Variants in TTC6 observed in about 807,000 individuals in gnomAD.
TTC6 encodes the protein tetratricopeptide repeat protein 6.
A neutral mutation model predicts 210.4 loss-of-function variants in TTC6; 172 were observed. The ratio of observed to expected loss-of-function variants is 0.82; its 90% CI spans 0.72 to 0.93. The LOEUF is 0.93. TTC6 is among the 40% of genes least tolerant of loss of function. The probability of loss-of-function intolerance (pLI) is 0.00; values close to 1 mark genes in which losing one functional copy is unlikely to be tolerated. For missense variants in TTC6, 2,414 were observed against 2,318.1 expected (o/e 1.04, Z -0.85); for synonymous variants, 804 against 819.6 (o/e 0.98, Z 0.32).
At chr14:37,763,728 A>C (rs1181202978) in intron 14 of TTC6, among the ~76,000 whole-genome samples, 1 of 151,962 alleles carries the variant, frequency 6.6e-6, no homozygotes, top group African/African-American at 2.4e-5. Flanking sequence ...GGAATTGTCA[A>C]TTTTGTTGAT....
At chr14:37,774,728 C>T (rs867470630) in intron 14 of TTC6, among the ~76,000 whole-genome samples, 18 of 152,180 alleles carry the variant, frequency 1.2e-4, no homozygotes, top group African/African-American at 3.9e-4. Context: ...CAGGTTTTGA[C>T]ATCAGGATAA....
chr14:37,605,835 A>T (rs1323923157), intron 1 of TTC6, among the ~76,000 whole-genome samples: 1 of 152,078 alleles, frequency 6.6e-6, no homozygotes, highest in East Asian at 1.9e-4. Flanking sequence ...CCTGCTTTAG[A>T]CCAGGCTCAT....
intron 17 of TTC6, among the ~76,000 whole-genome samples, chr14:37,793,428 T>C (rs2096085075): frequency 1.3e-5 from 2 of 152,224 alleles, no homozygotes; most frequent in African/African-American, 4.8e-5. Flanking sequence ...TTGCTCACAC[T>C]GTATGTCCAC....
intron 2 of TTC6, among the ~76,000 whole-genome samples, chr14:37,612,889 C>G (rs761351111): frequency 2.1e-4 from 32 of 152,098 alleles, no homozygotes; most frequent in Non-Finnish European, 3.5e-4. Flanking sequence ...TTTGTAGATT[C>G]CTCAGGATTT....
At chr14:37,752,434 T>G (rs75973118) in intron 13 of TTC6, among the ~76,000 whole-genome samples, 6,329 of 152,098 alleles carry the variant, frequency 0.042, 149 homozygotes, top group South Asian at 0.088. Context: ...GATTATCTAT[T>G]CTCTTCATTT....
At chr14:37,650,774 C>T (rs190513900) in intron 1 of TTC6, among the ~76,000 whole-genome samples, 4 of 152,162 alleles carry the variant, frequency 2.6e-5, no homozygotes, top group South Asian at 2.1e-4. Context: ...TTGAATAATC[C>T]GTATTCTTAG....
chr14:37,722,574 C>T (rs2095864036), intron 6 of TTC6, among the ~76,000 whole-genome samples: 1 of 152,106 alleles, frequency 6.6e-6, no homozygotes, highest in African/African-American at 2.4e-5. Context: ...AACTCCTGGC[C>T]TCAAATGGTC....
At chr14:37,627,881 C>T (rs964441598) in intron 1 of TTC6, among the ~76,000 whole-genome samples, 2 of 152,208 alleles carry the variant, frequency 1.3e-5, no homozygotes, top group African/African-American at 2.4e-5. Flanking sequence ...CTGTCTTCCA[C>T]GGTGGTTGAA....
chr14:37,842,289 T>A, exon 31 of TTC6: 1 of 1,599,318 alleles, frequency 6.3e-7, no homozygotes, highest in Non-Finnish European at 8.5e-7. Context: ...CTCAGTTATA[T>A]GATTACATAG....
upstream of TTC6, among the ~76,000 whole-genome samples, chr14:37,620,037 A>AT (rs1195786952): frequency 1.3e-5 from 2 of 152,072 alleles, no homozygotes; most frequent in Non-Finnish European, 1.5e-5. Context: ...GTTTCAGTAC[A>AT]TTTTTTTGTT....
intron 1 of TTC6, among the ~76,000 whole-genome samples, chr14:37,669,022 A>T (rs1331008753): frequency 1.3e-5 from 2 of 152,186 alleles, no homozygotes; most frequent in African/African-American, 4.8e-5. Flanking sequence ...GATGCTTCCA[A>T]CTGAAAACCT....
chr14:37,683,170 T>G (rs1234321674), intron 3 of TTC6, among the ~76,000 whole-genome samples: 1 of 152,096 alleles, frequency 6.6e-6, no homozygotes, highest in Non-Finnish European at 1.5e-5. Flanking sequence ...GTGTCAACCC[T>G]AATTGCAACT....
chr14:37,726,901 A>G (rs2095874084), intron 7 of TTC6, among the ~76,000 whole-genome samples: 1 of 152,024 alleles, frequency 6.6e-6, no homozygotes, highest in African/African-American at 2.4e-5. Context: ...ATTCCTTTCT[A>G]ATATTGCATC....
intron 21 of TTC6, among the ~76,000 whole-genome samples, chr14:37,805,481 C>A (rs71407741): frequency 6.6e-6 from 1 of 150,928 alleles, no homozygotes; most frequent in Non-Finnish European, 1.5e-5. Context: ...CTAATTCTTA[C>A]GTTCGTGGGG....
At chr14:37,830,838 G>A (rs73260753) in intron 29 of TTC6, among the ~76,000 whole-genome samples, 2,791 of 151,438 alleles carry the variant, frequency 0.018, 77 homozygotes, top group African/African-American at 0.063. Flanking sequence ...TATTTATGGG[G>A]CACATGATAT....
At chr14:37,771,605 A>T in intron 14 of TTC6, among the ~76,000 whole-genome samples, 1 of 151,954 alleles carries the variant, frequency 6.6e-6, no homozygotes, top group East Asian at 1.9e-4. Flanking sequence ...TTGGCTCCTG[A>T]GGCTTCTGCA....
intron 1 of TTC6, among the ~76,000 whole-genome samples, chr14:37,632,090 T>A (rs1174815321): frequency 6.6e-6 from 1 of 152,188 alleles, no homozygotes; most frequent in African/African-American, 2.4e-5. Context: ...AGTTTGTTAT[T>A]ACCCACTTTC....
intron 10 of TTC6, among the ~76,000 whole-genome samples, chr14:37,740,038 CCTGT>C (rs2095914165): frequency 6.6e-6 from 1 of 151,722 alleles, no homozygotes; most frequent in Non-Finnish European, 1.5e-5. Context: ...ATGGTGGGCA[CCTGT>C]AGTCCCAGCT....
intron 29 of TTC6, among the ~76,000 whole-genome samples, chr14:37,837,698 TAC>T (rs2096201031): frequency 6.6e-6 from 1 of 152,210 alleles, no homozygotes; most frequent in African/African-American, 2.4e-5. Context: ...TTTTATTTGT[TAC>T]CTTTGTTTTA....
Sources: gnomAD v4.1 joint callset for allele counts (sites outside exome capture counted in the v4.1 genomes callset) on GRCh38, gnomAD v4.1.1 for gene constraint, MANE v1.5 for transcripts, NCBI Gene and HGNC (gene_info 2026-07-23, HGNC 2026-07-21) for gene names.